Variants in PEDS1 observed in about 807,000 individuals in gnomAD.
PEDS1 encodes the protein plasmanylethanolamine desaturase 1.
In PEDS1, 14 loss-of-function variants were observed where a neutral mutation model predicts 35.2. The ratio of observed to expected loss-of-function variants is 0.40; its 90% CI spans 0.26 to 0.62. PEDS1 has a LOEUF of 0.62. Ranked by LOEUF, PEDS1 falls within the 20% of genes least tolerant of loss-of-function variation. PEDS1 has a pLI of 0.44. For missense variants in PEDS1, 260 were observed against 367.8 expected (o/e 0.71, Z 2.40); for synonymous variants, 152 against 152.0 (o/e 1.00, Z 0.00).
At chr20:50,142,165 T>C (rs1398375620) in intron 2 of PEDS1, among the ~76,000 whole-genome samples, 1 of 152,196 alleles carries the variant, frequency 6.6e-6, no homozygotes, top group African/African-American at 2.4e-5. Context: ...GATGACAACC[T>C]TAGCGTAAGA....
At chr20:50,136,164 G>T (rs2147284276) in intron 2 of PEDS1, among the ~76,000 whole-genome samples, 1 of 152,172 alleles carries the variant, frequency 6.6e-6, no homozygotes, top group African/African-American at 2.4e-5. Context: ...CGCCTTAAAT[G>T]TTTTATCTCC....
At chr20:50,137,827 C>A (rs1232855091) in intron 2 of PEDS1, among the ~76,000 whole-genome samples, 1 of 152,082 alleles carries the variant, frequency 6.6e-6, no homozygotes, top group Non-Finnish European at 1.5e-5. Flanking sequence ...GCCGAGATTG[C>A]GCCACTGCAC....
At chr20:50,146,767 A>T (rs1362801232) in intron 1 of PEDS1, among the ~76,000 whole-genome samples, 2 of 152,164 alleles carry the variant, frequency 1.3e-5, no homozygotes, top group Non-Finnish European at 2.9e-5. Context: ...AAGGAGAAGG[A>T]CCTCAACAGA....
At chr20:50,138,420 T>C (rs1156669528) in intron 2 of PEDS1, among the ~76,000 whole-genome samples, 1 of 152,188 alleles carries the variant, frequency 6.6e-6, no homozygotes, top group Non-Finnish European at 1.5e-5. Context: ...TTACCTCCCT[T>C]AACTATGAGA....
intron 1 of PEDS1, among the ~76,000 whole-genome samples, chr20:50,145,784 A>G (rs1278816794): frequency 6.6e-6 from 1 of 152,198 alleles, no homozygotes; most frequent in Non-Finnish European, 1.5e-5. Context: ...TCCATAAGGC[A>G]CAGAAGACCT....
intron 2 of PEDS1, among the ~76,000 whole-genome samples, chr20:50,141,909 G>A (rs1008849490): frequency 7.2e-5 from 11 of 152,268 alleles, no homozygotes; most frequent in Non-Finnish European, 1.2e-4. Context: ...TGGCTAGAAC[G>A]CTTTTAATGA....
intron 1 of PEDS1, among the ~76,000 whole-genome samples, chr20:50,152,015 C>T (rs953864380): frequency 1.3e-5 from 2 of 152,228 alleles, no homozygotes; most frequent in East Asian, 3.9e-4. Flanking sequence ...GAAACAGAGA[C>T]GGAAAGTGGC....
intron 2 of PEDS1, among the ~76,000 whole-genome samples, chr20:50,142,688 C>CT (rs1212846657): frequency 3.3e-5 from 3 of 90,738 alleles, no homozygotes; most frequent in East Asian, 7.9e-4. Context: ...ATCCGCCCCC[C>CT]CCCCCCCGCC....
chr20:50,139,912 C>A (rs557077881), intron 2 of PEDS1, among the ~76,000 whole-genome samples: 153 of 152,094 alleles, frequency 1.0e-3, no homozygotes, highest in Non-Finnish European at 2.0e-3. Flanking sequence ...AGGTGTGAAC[C>A]ACCATGCCCG....
intron 1 of PEDS1, among the ~76,000 whole-genome samples, chr20:50,152,719 G>C (rs1447423906): frequency 6.6e-6 from 1 of 152,128 alleles, no homozygotes; most frequent in African/African-American, 2.4e-5. Context: ...CTAAGGAAGG[G>C]GCCAATACAT....
chr20:50,127,964 G>C lies in PEDS1; in HGVS notation c.691+11C>G. The C allele has an allele frequency of 6.2e-7, 1 of 1,612,422 alleles. No individual in the cohort carries two copies. The highest frequency in any genetic ancestry group is 1.1e-5 in the South Asian group (1 of 90,830). ...TGGGGAAAGCCCATTCCACGCCACT[G>C]GTGGCCGCACCTGTGGTGATGCAGA... On this transcript the variant is annotated intron_variant, in intron 5 of 5. Coordinates refer to ENST00000371652, the MANE Select transcript of PEDS1 (RefSeq NM_199129.4).
chr20:50,142,579 C>A (rs891941583), intron 2 of PEDS1, among the ~76,000 whole-genome samples: 1 of 151,732 alleles, frequency 6.6e-6, no homozygotes, highest in Admixed American at 6.6e-5. Context: ...CTGGGACCTA[C>A]AGGCGCCTGC....
At chr20:50,126,432 A>T (rs143417261) in intron 5 of PEDS1, among the ~76,000 whole-genome samples, 414 of 152,306 alleles carry the variant, frequency 2.7e-3, no homozygotes, top group African/African-American at 7.0e-3. Context: ...AAGGAGCACA[A>T]ATTGAGGACA....
chr20:50,153,642 A>C lies in PEDS1; in HGVS notation c.-5T>G. On this transcript the variant is annotated 5_prime_UTR_variant, in exon 1 of 6. Transcript: ENST00000371652. ...CCAGTTCTCGGCGCCCGCCATGGCCACTCGCCCGATCGGCCCGGTGCGCTC... is the reference window on the plus strand; with the variant it reads ...CCAGTTCTCGGCGCCCGCCATGGCCCCTCGCCCGATCGGCCCGGTGCGCTC... 2 of 1,248,946 alleles carry C rather than the reference A, an allele frequency of 1.6e-6. No homozygotes were observed. The highest frequency in any genetic ancestry group is 2.0e-6 in the Non-Finnish European group (2 of 995,322). The allele number at this position is 1,248,946 out of a possible 1,614,324, so 77.4% of individuals were successfully genotyped here.
chr20:50,140,594 G>A (rs1244215008), intron 2 of PEDS1, among the ~76,000 whole-genome samples: 3 of 137,358 alleles, frequency 2.2e-5, no homozygotes, highest in African/African-American at 5.7e-5. Context: ...ATCTCTGCAC[G>A]GCCCCTCCCT....
chr20:50,134,586 A>G lies in PEDS1; in HGVS notation c.242-3639T>C, dbSNP rs534890417. Reference sequence around the variant, plus strand: ...TGAATGAATGCTGCCTTCATGAAAGAAATAGCTACAGAGGAGAAGTGGCTG... The same window carrying G: ...TGAATGAATGCTGCCTTCATGAAAGGAATAGCTACAGAGGAGAAGTGGCTG... On this transcript the variant is annotated intron_variant, in intron 2 of 5. Coordinates refer to ENST00000371652, the MANE Select transcript of PEDS1 (RefSeq NM_199129.4). Among the ~76,000 whole-genome samples the G allele has an allele frequency of 1.5e-3, 226 of 152,308 alleles. 1 individual carries two copies. The highest frequency in any genetic ancestry group is 2.7e-3 in the Non-Finnish European group (186 of 68,022).
intron 2 of PEDS1, among the ~76,000 whole-genome samples, chr20:50,141,385 C>A (rs1004203783): frequency 4.6e-5 from 7 of 152,242 alleles, no homozygotes; most frequent in Non-Finnish European, 5.9e-5. Context: ...AACTGACCAG[C>A]GAGGCTGAAG....
chr20:50,143,701 CTTT>C (rs10574784), intron 1 of PEDS1, 80 bp from the exon 2 acceptor site: 98 of 1,305,064 alleles, frequency 7.5e-5, no homozygotes, highest in Admixed American at 3.0e-4. Flanking sequence ...CTTTTCTTTT[CTTT>C]TTTTTTTTTC....
intron 2 of PEDS1, among the ~76,000 whole-genome samples, chr20:50,142,707 C>G (rs944066966): frequency 7.1e-5 from 10 of 140,744 alleles, no homozygotes; most frequent in African/African-American, 2.3e-4. Context: ...CCCCAACGGC[C>G]TCCCACAGTG....
Sources: allele counts gnomAD v4.1 joint callset (sites outside exome capture counted in the v4.1 genomes callset), GRCh38; gene constraint gnomAD v4.1.1; transcripts MANE v1.5; gene names NCBI Gene and HGNC (gene_info 2026-07-23, HGNC 2026-07-21).